Variants in FAXC observed in about 807,000 individuals in gnomAD.
FAXC encodes failed axon connections homolog, metaxin like GST domain containing, also known as failed axon connections homolog.
A neutral mutation model predicts 41.9 loss-of-function variants in FAXC; 10 were observed. The observed-to-expected ratio is 0.24, with a 90% CI of 0.15 to 0.41. The LOEUF is 0.41. FAXC is among the 10% of genes least tolerant of loss of function. The pLI is 1.00. For synonymous variants in FAXC, 183 were observed against 183.8 expected, an observed-to-expected ratio of 1.00 and a Z score of 0.03; for missense variants, 399 against 510.9, an observed-to-expected ratio of 0.78 and a Z score of 2.11.
chr6:99,311,270 C>T (rs1772143615), intron 4 of FAXC, among the ~76,000 whole-genome samples: 1 of 152,126 alleles, frequency 6.6e-6, no homozygotes, highest in African/African-American at 2.4e-5. Flanking sequence ...ACTCTTCTCC[C>T]CAGAGAGTGA....
chr6:99,302,132 C>T (rs1771735119), intron 4 of FAXC, among the ~76,000 whole-genome samples: 1 of 152,214 alleles, frequency 6.6e-6, no homozygotes, highest in South Asian at 2.1e-4. Context: ...TCCAAACTCA[C>T]TCACACGGTT....
At chr6:99,294,761 T>C (rs764075309) in intron 4 of FAXC, among the ~76,000 whole-genome samples, 2 of 152,056 alleles carry the variant, frequency 1.3e-5, no homozygotes, top group Non-Finnish European at 2.9e-5. Context: ...GAAACATAAA[T>C]ATGAATAAAA....
At chr6:99,306,930 C>T (rs1771944287) in intron 4 of FAXC, among the ~76,000 whole-genome samples, 1 of 152,144 alleles carries the variant, frequency 6.6e-6, no homozygotes, top group Non-Finnish European at 1.5e-5. Flanking sequence ...CTACAAGAGA[C>T]TAATGTCTCA....
At chr6:99,302,431 A>G (rs537827206) in intron 4 of FAXC, among the ~76,000 whole-genome samples, 3 of 152,334 alleles carry the variant, frequency 2.0e-5, no homozygotes, top group African/African-American at 7.2e-5. Flanking sequence ...CGAGATGGGC[A>G]GATCACTTGA....
At chr6:99,315,440 G>A (rs145710031) in intron 4 of FAXC, among the ~76,000 whole-genome samples, 1 of 152,148 alleles carries the variant, frequency 6.6e-6, no homozygotes, top group African/African-American at 2.4e-5. Context: ...TCAGGTGGCA[G>A]CTCTGGTAGC....
intron 4 of FAXC, among the ~76,000 whole-genome samples, chr6:99,304,314 T>TAA (rs889778980): frequency 1.4e-5 from 2 of 147,722 alleles, no homozygotes; most frequent in Admixed American, 6.8e-5. Context: ...TAAAATAATT[T>TAA]AAAAAAAAAA....
intron 4 of FAXC, among the ~76,000 whole-genome samples, chr6:99,313,685 T>C (rs640674): frequency 0.87 from 133,132 of 152,236 alleles, 58,722 homozygotes; most frequent in East Asian, 1. Context: ...TTTATGTTTA[T>C]GGTTTTATGT....
At chr6:99,325,665 A>C (rs1772775057) in intron 3 of FAXC, among the ~76,000 whole-genome samples, 5 of 152,250 alleles carry the variant, frequency 3.3e-5, no homozygotes, top group Non-Finnish European at 4.4e-5. Flanking sequence ...AATTAAGATG[A>C]CAATTTTCAC....
At chr6:99,313,600 C>T (rs546910480) in intron 4 of FAXC, among the ~76,000 whole-genome samples, 2 of 152,282 alleles carry the variant, frequency 1.3e-5, no homozygotes, top group South Asian at 4.2e-4. Context: ...CACCCTATGG[C>T]ACCATGTTTA....
intron 4 of FAXC, among the ~76,000 whole-genome samples, chr6:99,305,812 C>T (rs916510654): frequency 2.6e-5 from 4 of 151,710 alleles, no homozygotes; most frequent in Non-Finnish European, 5.9e-5. Flanking sequence ...ACTGTAAATG[C>T]TCCATAAATG....
rs539346343 is a variant in FAXC, at chr6:99,334,437, C to T, written c.403-890G>A. 2.0e-5 allele frequency among the ~76,000 whole-genome samples: 3 copies of T among 152,254 alleles called. No homozygotes were observed. In the South Asian group the frequency reaches 6.2e-4, roughly 32 times the overall value. On this transcript the variant is annotated intron_variant, in intron 2 of 5. Coordinates refer to ENST00000389677, the MANE Select transcript of FAXC (RefSeq NM_032511.4). ...AAATAGAACTGGGTCAAGATTTCACCCCCACCCTTTGGCCAGGCACTGTTG... is the reference window on the plus strand; with the variant it reads ...AAATAGAACTGGGTCAAGATTTCACTCCCACCCTTTGGCCAGGCACTGTTG...
chr6:99,334,740 A>G (rs1359893105), intron 2 of FAXC: 1 of 212,248 alleles, frequency 4.7e-6, no homozygotes, highest in African/African-American at 2.4e-5. Context: ...TTACAATGCA[A>G]ATGAGACCCA....
At chr6:99,348,450 C>G (rs1213548556) in intron 1 of FAXC, among the ~76,000 whole-genome samples, 1 of 152,186 alleles carries the variant, frequency 6.6e-6, no homozygotes, top group African/African-American at 2.4e-5. Context: ...CTGTTTACGG[C>G]ACTGGGCGAC....
intron 4 of FAXC, 135 bp from the exon 5 acceptor site, chr6:99,291,955 C>G (rs1771264638): frequency 4.3e-6 from 3 of 695,784 alleles, no homozygotes; most frequent in Admixed American, 2.3e-5. Flanking sequence ...TACATGCACA[C>G]CCTTTTGCTT....
rs1562173931 is a variant in FAXC, at chr6:99,321,940, A to T, written c.823+1504T>A. Among the ~76,000 whole-genome samples, 4 of 152,222 alleles carry T rather than the reference A, an allele frequency of 2.6e-5. No individual in the cohort carries two copies. In the South Asian group the frequency reaches 8.3e-4, roughly 32 times the overall value. On this transcript the variant is annotated intron_variant, in intron 4 of 5. Coordinates refer to ENST00000389677, the MANE Select transcript of FAXC (RefSeq NM_032511.4). ...CTTGCTTACTGAGGCTCACAACAGC[A>T]TGAGCCGGTGAGGAAGGGGAAGAAG...
At chr6:99,297,685 C>G (rs1771552385) in intron 4 of FAXC, among the ~76,000 whole-genome samples, 1 of 152,154 alleles carries the variant, frequency 6.6e-6, no homozygotes, top group African/African-American at 2.4e-5. Context: ...CAGACCTGGG[C>G]AGGACAAACC....
intron 5 of FAXC, among the ~76,000 whole-genome samples, chr6:99,291,441 G>A (rs904223052): frequency 6.6e-6 from 1 of 152,190 alleles, no homozygotes; most frequent in African/African-American, 2.4e-5. Flanking sequence ...GAAGAAAAGC[G>A]CTAGCATAAA....
rs1442387675 is a variant in FAXC at position 99,272,719 on chromosome 6, A to G, written c.*8445T>C. 1 of 152,202 alleles carries G rather than the reference A, an allele frequency of 6.6e-6. No homozygotes were observed. The highest frequency in any genetic ancestry group is 1.9e-4 in the East Asian group (1 of 5,194). The allele number at this position is 152,202 out of a possible 1,614,324, so 9.4% of individuals were successfully genotyped here. On this transcript the variant is annotated 3_prime_UTR_variant, in exon 6 of 6. Coordinates refer to ENST00000389677, the MANE Select transcript of FAXC (RefSeq NM_032511.4). ...ACTCACTTGAAATTCTATCAAAGTT[A>G]TATGCCTAAAAAATTCATTACCTCT... is the stretch of plus-strand genomic sequence containing the variant.
chr6:99,294,574 TTG>T lies in FAXC; in HGVS notation c.824-2756_824-2755del, dbSNP rs1197250796. ...CAGAGAGAAGAAAACAGGATTTTTG[TTG>T]TGTGTGTGTGTTTTTTTAAGAGCAA... On this transcript the variant is annotated intron_variant, in intron 4 of 5. Coordinates refer to ENST00000389677, the MANE Select transcript of FAXC (RefSeq NM_032511.4). Among the ~76,000 whole-genome samples, 9 of 152,120 alleles carry T rather than the reference TTG, an allele frequency of 5.9e-5. 1 individual carries two copies. Among genetic ancestry groups the T allele is most frequent in the Non-Finnish European group, 8.8e-5 (6 of 67,962 alleles).
Sources: allele counts gnomAD v4.1 joint callset (sites outside exome capture counted in the v4.1 genomes callset), GRCh38; gene constraint gnomAD v4.1.1; transcripts MANE v1.5; gene names NCBI Gene and HGNC (gene_info 2026-07-23, HGNC 2026-07-21).